Variants in LRRC4C observed in about 807,000 individuals in gnomAD.
LRRC4C encodes leucine rich repeat containing 4C.
LRRC4C carries 5 observed loss-of-function variants against 33.6 expected under a neutral mutation model. The ratio of observed to expected loss-of-function variants is 0.15; its 90% CI spans 0.08 to 0.31. The LOEUF (loss-of-function observed/expected upper bound fraction) is 0.31. Among genes scored for constraint, LRRC4C ranks in the 10% least tolerant of loss-of-function variants. The probability of loss-of-function intolerance (pLI) is 1.00; values close to 1 mark genes in which losing one functional copy is unlikely to be tolerated. For synonymous variants in LRRC4C, 329 were observed against 302.0 expected (o/e 1.09, Z -0.93); for missense variants, 560 against 796.7 (o/e 0.70, Z 3.58).
At chr11:40,739,186 T>C (rs1252556338) in intron 2 of LRRC4C, among the ~76,000 whole-genome samples, 2 of 152,064 alleles carry the variant, frequency 1.3e-5, no homozygotes, top group Non-Finnish European at 2.9e-5. Context: ...ACTGAAACTT[T>C]GTACCCTTTA....
At position 40,914,465 on chromosome 11, in the gene LRRC4C, G is replaced by T. The variant is rs151138913; in HGVS notation, c.-407+19170C>A. Among the ~76,000 whole-genome samples the T allele has an allele frequency of 2.1e-3, 324 of 152,258 alleles. 1 individual carries two copies. Among genetic ancestry groups the T allele is most frequent in the African/African-American group, 6.2e-3 (258 of 41,536 alleles). On this transcript the variant is annotated intron_variant, in intron 2 of 6. Transcript: ENST00000528697. ...CAAAAACCACATGATTATCTCAATA[G>T]GTGCAGACAAGGCCTTAGACAAAAT...
intron 2 of LRRC4C, among the ~76,000 whole-genome samples, chr11:40,832,260 C>T (rs1362439046): frequency 6.6e-6 from 1 of 152,058 alleles, no homozygotes. Flanking sequence ...CTAATATAAT[C>T]TTATGGGATG....
At chr11:41,293,566 T>C (rs2137024019) in intron 1 of LRRC4C, among the ~76,000 whole-genome samples, 1 of 152,070 alleles carries the variant, frequency 6.6e-6, no homozygotes, top group African/African-American at 2.4e-5. Flanking sequence ...CTAATCATGT[T>C]ATTTTATTTT....
intron 5 of LRRC4C, among the ~76,000 whole-genome samples, chr11:40,228,600 A>C (rs1367793818): frequency 6.6e-6 from 1 of 152,204 alleles, no homozygotes; most frequent in African/African-American, 2.4e-5. Flanking sequence ...TAGCAGGCAT[A>C]TTTTCCTAAA....
intron 1 of LRRC4C, among the ~76,000 whole-genome samples, chr11:41,311,563 A>G (rs1211133001): frequency 6.6e-6 from 1 of 152,228 alleles, no homozygotes; most frequent in Non-Finnish European, 1.5e-5. Context: ...TTTAAGTATT[A>G]TGAATAACTC....
intron 5 of LRRC4C, among the ~76,000 whole-genome samples, chr11:40,205,105 C>T (rs1369025145): frequency 6.6e-6 from 1 of 152,116 alleles, no homozygotes; most frequent in Non-Finnish European, 1.5e-5. Context: ...TTAAACCTTC[C>T]CAGGGCCTTC....
intron 1 of LRRC4C, among the ~76,000 whole-genome samples, chr11:41,279,381 AACACACACAC>A (rs575973002): frequency 0.16 from 19,801 of 126,352 alleles, 1,487 homozygotes; most frequent in Middle Eastern, 0.29. Flanking sequence ...CACACACACA[AACACACACAC>A]ACACACACAC....
At position 40,561,408 on chromosome 11, in the gene LRRC4C, CTTTTT is replaced by C. The variant is rs549919738; in HGVS notation, c.-270+86729_-270+86733del. On this transcript the variant is annotated intron_variant, in intron 3 of 6. Coordinates refer to ENST00000528697, the MANE Select transcript of LRRC4C (RefSeq NM_001258419.2). ...TCTTTATTCTTTGTTCTGAGGATTC[CTTTTT>C]TTTTTTTTTTTTTTTTTGAGACAGA... Among the ~76,000 whole-genome samples, 90 of 100,934 alleles carry C rather than the reference CTTTTT, an allele frequency of 8.9e-4. 1 individual carries two copies. In the Middle Eastern group the frequency reaches 0.022, roughly 25 times the overall value. The allele number at this position is 100,934 out of a possible 152,430, so 66.2% of individuals were successfully genotyped here. A position where few individuals can be genotyped will look rare whatever the true frequency, so the allele number is the denominator to read the frequency against.
At chr11:41,215,204 C>A (rs997268545) in intron 1 of LRRC4C, among the ~76,000 whole-genome samples, 10 of 151,628 alleles carry the variant, frequency 6.6e-5, no homozygotes, top group Admixed American at 6.6e-4. Flanking sequence ...TTTTAAAAAA[C>A]TGGCCAGGAG....
chr11:40,569,973 A>G (rs1957918055), intron 3 of LRRC4C, among the ~76,000 whole-genome samples: 1 of 152,080 alleles, frequency 6.6e-6, no homozygotes, highest in African/African-American at 2.4e-5. Context: ...GAGTTTGTAC[A>G]ATATGGTAAC....
chr11:41,411,142 A>ATTTTTTTTTTTTTTTTTTTTTTTTGTTTT (rs1954469091), intron 1 of LRRC4C, among the ~76,000 whole-genome samples: 1 of 57,240 alleles, frequency 1.7e-5, no homozygotes, highest in Non-Finnish European at 2.9e-5. Context: ...TTGGTACCCT[A>ATTTTTTTTTTTTTTTTTTTTTTTTGTTTT]TTTTTTTTTT....
rs548660658 is a variant in LRRC4C at position 41,176,744 on chromosome 11, C to T, written c.-495-243021G>A. The stretch of plus-strand genomic sequence containing the variant: ...TTGGGAGGCTGACGCAGGCGGATTG[C>T]CTGAGCTCAGGAGTTCGAGACCAGC... On this transcript the variant is annotated intron_variant, in intron 1 of 6. Coordinates refer to ENST00000528697, the MANE Select transcript of LRRC4C (RefSeq NM_001258419.2). 5.3e-5 allele frequency among the ~76,000 whole-genome samples: 8 copies of T among 152,138 alleles called. No homozygotes were observed. The East Asian group carries it at 1.4e-3, about 26-fold the overall frequency.
At chr11:40,181,378 G>T (rs1227887997) in intron 5 of LRRC4C, among the ~76,000 whole-genome samples, 4 of 152,204 alleles carry the variant, frequency 2.6e-5, no homozygotes, top group African/African-American at 9.7e-5. Flanking sequence ...AGTTAAAACT[G>T]TATTTTACAT....
intron 2 of LRRC4C, among the ~76,000 whole-genome samples, chr11:40,844,936 C>T (rs990965056): frequency 1.3e-5 from 2 of 151,782 alleles, no homozygotes; most frequent in Admixed American, 1.3e-4. Flanking sequence ...CACATACTTT[C>T]TTTTTGTCCT....
At chr11:40,287,110 G>T (rs956031775) in intron 4 of LRRC4C, among the ~76,000 whole-genome samples, 1 of 152,052 alleles carries the variant, frequency 6.6e-6, no homozygotes, top group African/African-American at 2.4e-5. Flanking sequence ...TAACAGAAGA[G>T]AATATAGAAC....
intron 3 of LRRC4C, among the ~76,000 whole-genome samples, chr11:40,451,770 C>A (rs1398721774): frequency 6.6e-6 from 1 of 152,106 alleles, no homozygotes; most frequent in Non-Finnish European, 1.5e-5. Context: ...TGTAGAAACA[C>A]AAACTACTAA....
At chr11:41,157,397 G>C (rs1039337054) in intron 1 of LRRC4C, among the ~76,000 whole-genome samples, 1 of 151,980 alleles carries the variant, frequency 6.6e-6, no homozygotes, top group African/African-American at 2.4e-5. Flanking sequence ...GTTCTCTAAG[G>C]CTTTTGTAAA....
chr11:41,163,284 G>GGTTTTTTTTTTTTTTT (rs1555095278), intron 1 of LRRC4C, among the ~76,000 whole-genome samples: 3 of 73,374 alleles, frequency 4.1e-5, no homozygotes, highest in Non-Finnish European at 7.4e-5. Context: ...TACTGTAACT[G>GGTTTTTTTTTTTTTTT]TTTTTTTTTT....
At chr11:41,334,814 C>G (rs1040131069) in intron 1 of LRRC4C, among the ~76,000 whole-genome samples, 1 of 152,122 alleles carries the variant, frequency 6.6e-6, no homozygotes, top group Non-Finnish European at 1.5e-5. Flanking sequence ...ACTCATTCCA[C>G]TGCACTGCAG....
Sources: allele counts gnomAD v4.1 joint callset (sites outside exome capture counted in the v4.1 genomes callset), GRCh38; gene constraint gnomAD v4.1.1; transcripts MANE v1.5; gene names NCBI Gene and HGNC (gene_info 2026-07-23, HGNC 2026-07-21).